The following NDUFB6 variants were observed in gnomAD, a reference collection of about 807,000 sequenced individuals.
The protein encoded by NDUFB6 is NADH:ubiquinone oxidoreductase subunit B6.
In NDUFB6, 23 loss-of-function variants were observed where a neutral mutation model predicts 17.5. That is an observed-to-expected ratio of 1.31 (90% confidence interval 0.94 to 1.86). The LOEUF (loss-of-function observed/expected upper bound fraction) is 1.86, where lower values mean the gene tolerates loss of function less well. Among genes scored for constraint, NDUFB6 ranks in the 40% most tolerant of loss-of-function variants. NDUFB6 has a pLI of 0.00. For synonymous variants in NDUFB6, 60 were observed against 53.5 expected, an observed-to-expected ratio of 1.12 and a Z score of -0.53; for missense variants, 167 against 153.8, an observed-to-expected ratio of 1.09 and a Z score of -0.46.
intron 1 of NDUFB6, among the ~76,000 whole-genome samples, chr9:32,571,750 T>C (rs1821945516): frequency 6.6e-6 from 1 of 152,176 alleles, no homozygotes; most frequent in African/African-American, 2.4e-5. Context: ...ACATTATTAT[T>C]TATTTACTTC....
Position 32,572,748 on chromosome 9 carries a change from C to A in NDUFB6, c.180+133G>T. ...CCTCCCGAGACTCCAGGAGGACTCT[C>A]GGGACTGGCCAGTGTCCCAGAGCAC... On this transcript the variant is annotated intron_variant, in intron 1 of 3. Coordinates refer to ENST00000379847, the MANE Select transcript of NDUFB6 (RefSeq NM_002493.5). The A allele has an allele frequency of 5.3e-6, 4 of 752,128 alleles. No homozygotes were observed. The South Asian group carries it at 7.4e-5, about 14-fold the overall frequency. The allele number at this position is 752,128 out of a possible 1,614,324, so 46.6% of individuals were successfully genotyped here.
intron 2 of NDUFB6, chr9:32,566,438 TGATG>T: frequency 1.2e-6 from 1 of 828,554 alleles, no homozygotes; most frequent in Non-Finnish European, 2.2e-6. Context: ...CTGTAGGGGT[TGATG>T]GAGTATCTTG....
intron 2 of NDUFB6, among the ~76,000 whole-genome samples, chr9:32,564,785 G>A (rs1192626840): frequency 2.0e-5 from 3 of 152,156 alleles, no homozygotes; most frequent in African/African-American, 7.2e-5. Flanking sequence ...CCAGTGCACT[G>A]AACAGCTTCC....
rs1464618163 is a variant in NDUFB6 at position 32,571,000 on chromosome 9, G to A, written c.233C>T (p.Pro78Leu). The A allele has an allele frequency of 6.2e-7, 1 of 1,604,690 alleles. No individual in the cohort carries two copies. The change falls in exon 2 of 4, where the codon CCT (proline) becomes CTT (leucine). Residue 78 changes from proline to leucine, a missense_variant. Coordinates refer to ENST00000379847, the MANE Select transcript of NDUFB6 (RefSeq NM_002493.5). ...CATGTAATAATGAATAATCCAGACA[G>A]GTACAAGTACATGAGTGAAAACAAA... ...SIFVFTHVLV[P>L]VWIIHYYMKY... is the part of the protein sequence containing the mutation.
chr9:32,563,491 C>CGTTTTTTTTTTTT (rs1821688276), intron 2 of NDUFB6, among the ~76,000 whole-genome samples: 1 of 92,004 alleles, frequency 1.1e-5, no homozygotes, highest in Non-Finnish European at 2.2e-5. Flanking sequence ...GACTATTGGG[C>CGTTTTTTTTTTTT]TTTTTTTTTT....
At chr9:32,556,846 C>CTT (rs10703297) in intron 3 of NDUFB6, among the ~76,000 whole-genome samples, 2,306 of 82,356 alleles carry the variant, frequency 0.028, 354 homozygotes, top group African/African-American at 0.073. Flanking sequence ...AAATCCCCTA[C>CTT]TTTTTTTTTT....
At chr9:32,558,112 T>C (rs1038571567) in intron 3 of NDUFB6, among the ~76,000 whole-genome samples, 1 of 131,910 alleles carries the variant, frequency 7.6e-6, no homozygotes, top group Non-Finnish European at 1.7e-5. Context: ...ACATTCATAG[T>C]ATACATTTTT....
rs1461957109 is a variant in NDUFB6 at position 32,558,172 on chromosome 9, C to CGCAA, written c.318+734_318+737dup. 2.8e-5 allele frequency among the ~76,000 whole-genome samples: 4 copies of CGCAA among 143,418 alleles called. No homozygotes were observed. In the East Asian group the frequency reaches 8.0e-4, roughly 29 times the overall value. 94.1% of individuals were successfully genotyped at this position (143,418 alleles called of 152,430 possible). A position where few individuals can be genotyped will look rare whatever the true frequency, so the allele number is the denominator to read the frequency against. ...TGTCACCCAGGCTGGAGTGCAGTGGCGCAACCTCGGCTCACTGCAAGCTCC... is the reference window on the plus strand; with the variant it reads ...TGTCACCCAGGCTGGAGTGCAGTGGCGCAAGCAACCTCGGCTCACTGCAAGCTCC... On this transcript the variant is annotated intron_variant, in intron 3 of 3. Coordinates refer to ENST00000379847, the MANE Select transcript of NDUFB6 (RefSeq NM_002493.5).
At position 32,573,124 on chromosome 9, in the gene NDUFB6, G is replaced by A; in HGVS notation, c.-64C>T. On this transcript the variant is annotated 5_prime_UTR_variant, in exon 1 of 4. Transcript: ENST00000379847. ...CTCGAACTACGGACTAGTTACTTAA[G>A]CGCGCTCCCGCTCTGCAAAGCGACC... 1.4e-6 allele frequency: 2 copies of A among 1,438,570 alleles called. No homozygotes were observed. Among genetic ancestry groups the A allele is most frequent in the Non-Finnish European group, 1.8e-6 (2 of 1,091,274 alleles). The allele number at this position is 1,438,570 out of a possible 1,614,324, so 89.1% of individuals were successfully genotyped here.
chr9:32,556,846 CTTTTT>C (rs10703297), intron 3 of NDUFB6, among the ~76,000 whole-genome samples: 7 of 82,338 alleles, frequency 8.5e-5, no homozygotes, highest in South Asian at 5.0e-4. Flanking sequence ...AAATCCCCTA[CTTTTT>C]TTTTTTTTTT....
intron 2 of NDUFB6, chr9:32,565,284 CCT>C (rs1222690347): frequency 1.3e-5 from 2 of 149,078 alleles, no homozygotes; most frequent in Non-Finnish European, 3.0e-5. Context: ...ACAGTGAGAC[CCT>C]GTCTCAAAAA....
chr9:32,565,929 A>C (rs1341845414), intron 2 of NDUFB6, among the ~76,000 whole-genome samples: 1 of 152,238 alleles, frequency 6.6e-6, no homozygotes, highest in East Asian at 1.9e-4. Flanking sequence ...CCAGGATCAC[A>C]CTACTACACT....
rs1465018409 is a variant in NDUFB6, at chr9:32,559,017, T to C, written c.274-63A>G. 13 of 1,197,214 alleles carry C rather than the reference T, an allele frequency of 1.1e-5. No individual in the cohort carries two copies. In the South Asian group the frequency reaches 1.5e-4, roughly 14 times the overall value. The allele number at this position is 1,197,214 out of a possible 1,614,324, so 74.2% of individuals were successfully genotyped here. On this transcript the variant is annotated intron_variant, in intron 2 of 3. Coordinates refer to ENST00000379847, the MANE Select transcript of NDUFB6 (RefSeq NM_002493.5). ...AAGAGTTTCTTCTGAAAATAAGAAA[T>C]AGGTCATACCCCAAATTTTAACTTA... is the stretch of plus-strand genomic sequence containing the variant.
Position 32,564,375 on chromosome 9 carries a change from A to G in NDUFB6, c.274-5421T>C, listed in dbSNP as rs1018764044. Among the ~76,000 whole-genome samples the G allele has an allele frequency of 2.6e-5, 4 of 152,060 alleles. No individual in the cohort carries two copies. The South Asian group carries it at 6.2e-4, about 24-fold the overall frequency. On this transcript the variant is annotated intron_variant, in intron 2 of 3. Coordinates refer to ENST00000379847, the MANE Select transcript of NDUFB6 (RefSeq NM_002493.5). ...CTTTGCTTTACTGCACTTCACATAT[A>G]TTGTGTTTTCTTATAAATAGAAGGT...
chr9:32,567,640 A>G (rs1368170572), intron 2 of NDUFB6: 1 of 363,626 alleles, frequency 2.8e-6, no homozygotes, highest in African/African-American at 2.1e-5. Context: ...CTTTGTCACT[A>G]TTGTTATATT....
At chr9:32,556,996 C>T (rs1483528696) in intron 3 of NDUFB6, among the ~76,000 whole-genome samples, 4 of 150,480 alleles carry the variant, frequency 2.7e-5, no homozygotes, top group South Asian at 2.1e-4. Flanking sequence ...GGATTACAGG[C>T]GTGCACCACC....
intron 1 of NDUFB6, among the ~76,000 whole-genome samples, chr9:32,571,837 A>G (rs1280587181): frequency 6.6e-6 from 1 of 152,242 alleles, no homozygotes; most frequent in Non-Finnish European, 1.5e-5. Flanking sequence ...TCAGGGATAC[A>G]AAGGGTGGGA....
chr9:32,573,046 A>G lies in NDUFB6; in HGVS notation c.15T>C (p.Thr5=), dbSNP rs777609629. The change falls in exon 1 of 4, where the codon ACT becomes ACC. Residue 5 remains threonine, a synonymous_variant. Coordinates refer to ENST00000379847, the MANE Select transcript of NDUFB6 (RefSeq NM_002493.5). The part of the protein sequence containing the change: MTGY[T]PDEKLRLQQL... The stretch of plus-strand genomic sequence containing the variant: ...GCTGCAGCCGCAGTTTCTCATCCGG[A>G]GTGTACCCCGTCATGTCGCCGCTGG... 1.3e-6 allele frequency: 2 copies of G among 1,582,808 alleles called. No homozygotes were observed. The highest frequency in any genetic ancestry group is 1.7e-6 in the Non-Finnish European group (2 of 1,164,374).
At chr9:32,563,193 CAAT>C (rs1440275081) in intron 2 of NDUFB6, among the ~76,000 whole-genome samples, 4 of 152,162 alleles carry the variant, frequency 2.6e-5, no homozygotes, top group African/African-American at 9.7e-5. Flanking sequence ...GCCCCATTAT[CAAT>C]AATGTTAATT....
Sources: gnomAD v4.1 joint callset for allele counts (sites outside exome capture counted in the v4.1 genomes callset) on GRCh38, gnomAD v4.1.1 for gene constraint, MANE v1.5 for transcripts, NCBI Gene and HGNC (gene_info 2026-07-23, HGNC 2026-07-21) for gene names.